ABHD2: variants seen among roughly 807,000 people sequenced by gnomAD.
The protein encoded by ABHD2 is abhydrolase domain containing 2, acylglycerol lipase.
Under a neutral mutation model 48.1 loss-of-function variants are expected in ABHD2, and 20 were observed. The ratio of observed to expected loss-of-function variants is 0.42; its 90% confidence interval spans 0.29 to 0.60. ABHD2 has a LOEUF of 0.60. ABHD2 is among the 20% of genes least tolerant of loss of function. ABHD2 has a pLI of 0.24. For missense variants in ABHD2, 405 were observed against 550.9 expected (o/e 0.74, Z 2.65); for synonymous variants, 209 against 214.2 (o/e 0.98, Z 0.21).
chr15:89,086,615 A>C (rs180717966), upstream of ABHD2, among the ~76,000 whole-genome samples: 213 of 152,216 alleles, frequency 1.4e-3, no homozygotes, highest in African/African-American at 4.9e-3. Context: ...GGGTCTCACT[A>C]TGTTGCCCAG....
the ABHD2 span, among the ~76,000 whole-genome samples, chr15:89,056,681 C>T: frequency 1.3e-5 from 2 of 151,948 alleles, no homozygotes; most frequent in Non-Finnish European, 2.9e-5. Flanking sequence ...CTTCAGGGTG[C>T]TTGCAAAAGA....
At position 89,104,857 on chromosome 15, in the gene ABHD2, G is replaced by T. The variant is rs1294489821; in HGVS notation, c.-106-8868G>T. On this transcript the variant is annotated intron_variant, in intron 1 of 10. Transcript: ENST00000352732. This position sits in a 1 kb window ranked among gnomAD's most constrained non-coding sequence, Gnocchi z 4.4. The stretch of plus-strand genomic sequence containing the variant: ...TCTGGAGATGCCCTCTTCTTCAGTT[G>T]TATCCTTCTCTTAAAAATTCCAGTA... Among the ~76,000 whole-genome samples the T allele has an allele frequency of 6.6e-6, 1 of 152,136 alleles. No homozygotes were observed. Among genetic ancestry groups the T allele is most frequent in the Admixed American group, 6.5e-5 (1 of 15,284 alleles).
chr15:89,166,804 AAAAC>A lies in ABHD2; in HGVS notation c.539-8998_539-8995del, dbSNP rs577352480. On this transcript the variant is annotated intron_variant, in intron 5 of 10. Coordinates refer to ENST00000352732, the MANE Select transcript of ABHD2 (RefSeq NM_152924.5). The surrounding 1 kb of genome is among the most constrained non-coding windows in gnomAD (Gnocchi z 4.6). ...GCTACAGAGTGAGACCCTATCTCTTAAAACAAACAAACATATATACAAACAATCT... is the reference window on the plus strand; with the variant it reads ...GCTACAGAGTGAGACCCTATCTCTTAAAACAAACATATATACAAACAATCT... 5.6e-4 allele frequency among the ~76,000 whole-genome samples: 86 copies of A among 152,264 alleles called. No individual in the cohort carries two copies. The highest frequency in any genetic ancestry group is 2.0e-3 in the African/African-American group (83 of 41,570).
chr15:89,053,312 A>G, the ABHD2 span, among the ~76,000 whole-genome samples: 2 of 152,180 alleles, frequency 1.3e-5, no homozygotes, highest in East Asian at 3.9e-4. Context: ...GCCCAGAGAC[A>G]GTAGTAACTT....
intron 1 of ABHD2, among the ~76,000 whole-genome samples, chr15:89,093,303 C>T (rs1304873705): frequency 2.0e-5 from 3 of 150,366 alleles, no homozygotes; most frequent in Non-Finnish European, 4.4e-5. Context: ...GCCTCAGCCT[C>T]TCAAGTAGCT....
intron 1 of ABHD2, among the ~76,000 whole-genome samples, chr15:89,109,718 G>C (rs1293768327): frequency 6.6e-6 from 1 of 152,108 alleles, no homozygotes; most frequent in Non-Finnish European, 1.5e-5. Flanking sequence ...AAAACAAAAT[G>C]CAGCAAGATA....
the ABHD2 span, among the ~76,000 whole-genome samples, chr15:89,047,760 C>T: frequency 6.7e-6 from 1 of 148,822 alleles, no homozygotes. Flanking sequence ...ATAGATCTTC[C>T]TCCATACTTT....
At chr15:89,144,441 A>AT (rs2050459564) in intron 3 of ABHD2, among the ~76,000 whole-genome samples, 1 of 152,128 alleles carries the variant, frequency 6.6e-6, no homozygotes, top group Non-Finnish European at 1.5e-5. Flanking sequence ...CCTACCATTC[A>AT]GTGTCTATAA....
the ABHD2 span, among the ~76,000 whole-genome samples, chr15:89,052,546 G>GACACAC: frequency 1.7e-3 from 230 of 137,144 alleles, 1 homozygote; most frequent in Middle Eastern, 0.011. Context: ...CAGACAGACA[G>GACACAC]ACAGACAGAC....
upstream of ABHD2, among the ~76,000 whole-genome samples, chr15:89,085,023 T>C (rs1901329976): frequency 6.6e-6 from 1 of 152,064 alleles, no homozygotes; most frequent in East Asian, 1.9e-4. This position sits in a 1 kb window ranked among gnomAD's most constrained non-coding sequence, Gnocchi z 4.2. Context: ...ACAAACTGAG[T>C]GAATTGCTGA....
chr15:89,095,937 A>C (rs765191688), intron 1 of ABHD2, among the ~76,000 whole-genome samples: 1 of 152,262 alleles, frequency 6.6e-6, no homozygotes, highest in Non-Finnish European at 1.5e-5. Flanking sequence ...TTGTATGTGA[A>C]TTTCTGATGA....
Position 89,198,517 on chromosome 15 carries a change from G to A in ABHD2, c.*3094G>A, listed in dbSNP as rs574269693. ...GCAGAATGAAAGCAGAAAGCTGTTG[G>A]TTACAATATTCTTTTAACCTCTCTG... On this transcript the variant is annotated 3_prime_UTR_variant, in exon 11 of 11. Coordinates refer to ENST00000352732, the MANE Select transcript of ABHD2 (RefSeq NM_152924.5). The surrounding 1 kb of genome is among the most constrained non-coding windows in gnomAD (Gnocchi z 5.1). 6.6e-6 allele frequency: 1 copy of A among 152,314 alleles called. No homozygotes were observed. Among genetic ancestry groups the A allele is most frequent in the East Asian group, 1.9e-4 (1 of 5,192 alleles). The allele number at this position is 152,314 out of a possible 1,614,324, so 9.4% of individuals were successfully genotyped here.
chr15:89,137,062 C>G lies in ABHD2; in HGVS notation c.195-14615C>G, dbSNP rs2050326266. ...GGTCTGGGAATAGTGGTGCCTTCTC[C>G]TAAAGTTAGGTCACTAATCTTTGAC... On this transcript the variant is annotated intron_variant, in intron 3 of 10. Transcript: ENST00000352732. The surrounding 1 kb of genome is among the most constrained non-coding windows in gnomAD (Gnocchi z 4.8). Among the ~76,000 whole-genome samples the G allele has an allele frequency of 6.6e-6, 1 of 152,218 alleles. No individual in the cohort carries two copies. The highest frequency in any genetic ancestry group is 1.5e-5 in the Non-Finnish European group (1 of 68,044).
At position 89,182,109 on chromosome 15, in the gene ABHD2, T is replaced by C. The variant is rs866698825; in HGVS notation, c.723-3315T>C. ...AGATCAATGGATGGACAAAGTTCTT[T>C]AAAAATCCTTATGGATTATTCTCAA... is the stretch of plus-strand genomic sequence containing the variant. On this transcript the variant is annotated intron_variant, in intron 6 of 10. Coordinates refer to ENST00000352732, the MANE Select transcript of ABHD2 (RefSeq NM_152924.5). The surrounding 1 kb of genome is among the most constrained non-coding windows in gnomAD (Gnocchi z 4.8). Among the ~76,000 whole-genome samples the C allele has an allele frequency of 6.6e-6, 1 of 152,220 alleles. No homozygotes were observed. The highest frequency in any genetic ancestry group is 2.4e-5 in the African/African-American group (1 of 41,466).
At chr15:89,068,462 C>T in the ABHD2 span, among the ~76,000 whole-genome samples, 5 of 152,106 alleles carry the variant, frequency 3.3e-5, no homozygotes, top group African/African-American at 4.8e-5. Context: ...CATCCGGAGG[C>T]GTCTTCACCC....
Position 89,166,515 on chromosome 15 carries a change from G to C in ABHD2, c.539-9297G>C, listed in dbSNP as rs572162788. Reference sequence around the variant, plus strand: ...TTTTTAAACTATCTTTTGGATTAAGGCTGCAGTGAACCGTGATCATGCCAC... The same window carrying C: ...TTTTTAAACTATCTTTTGGATTAAGCCTGCAGTGAACCGTGATCATGCCAC... On this transcript the variant is annotated intron_variant, in intron 5 of 10. Coordinates refer to ENST00000352732, the MANE Select transcript of ABHD2 (RefSeq NM_152924.5). The surrounding 1 kb of genome is among the most constrained non-coding windows in gnomAD (Gnocchi z 4.6). Among the ~76,000 whole-genome samples, 2 of 152,138 alleles carry C rather than the reference G, an allele frequency of 1.3e-5. No individual in the cohort carries two copies. Among genetic ancestry groups the C allele is most frequent in the Non-Finnish European group, 1.5e-5 (1 of 68,018 alleles).
chr15:89,072,130 C>T, the ABHD2 span, among the ~76,000 whole-genome samples: 2 of 152,120 alleles, frequency 1.3e-5, no homozygotes, highest in African/African-American at 4.8e-5. Flanking sequence ...GCCTTGGTCA[C>T]AGAATGAGGA....
intron 8 of ABHD2, 42 bp from the exon 9 acceptor site, chr15:89,191,038 G>A: frequency 6.3e-7 from 1 of 1,596,912 alleles, no homozygotes. Flanking sequence ...AAAGACCAAT[G>A]TTTTGTCCTT....
the ABHD2 span, among the ~76,000 whole-genome samples, chr15:89,053,755 A>T: frequency 1.3e-5 from 2 of 152,196 alleles, no homozygotes; most frequent in African/African-American, 2.4e-5. Flanking sequence ...GCAAAGACAT[A>T]CCTATGATGG....
Sources: gnomAD v4.1 joint callset for allele counts (sites outside exome capture counted in the v4.1 genomes callset) on GRCh38, gnomAD v4.1.1 for gene constraint, Gnocchi (gnomAD v3.1) non-coding constraint, MANE v1.5 for transcripts, NCBI Gene and HGNC (gene_info 2026-07-23, HGNC 2026-07-21) for gene names.